Variants in FOXP1 observed in about 807,000 individuals in gnomAD.
The protein encoded by FOXP1 is forkhead box protein P1.
A neutral mutation model predicts 98.2 loss-of-function variants in FOXP1; 15 were observed. That is an observed-to-expected ratio of 0.15 (90% CI 0.10 to 0.24). The LOEUF (loss-of-function observed/expected upper bound fraction) is 0.24, where lower values mean the gene tolerates loss of function less well. Among genes scored for constraint, FOXP1 ranks in the 10% least tolerant of loss-of-function variants. The probability of loss-of-function intolerance (pLI) is 1.00; values close to 1 mark genes in which losing one functional copy is unlikely to be tolerated. For synonymous variants in FOXP1, 371 were observed against 314.5 expected (o/e 1.18, Z -1.90); for missense variants, 633 against 848.5 (o/e 0.75, Z 3.15).
intron 2 of FOXP1, among the ~76,000 whole-genome samples, chr3:71,508,759 G>C (rs2042002131): frequency 1.3e-5 from 2 of 152,258 alleles, no homozygotes; most frequent in East Asian, 1.9e-4. Flanking sequence ...AACCTCCCAA[G>C]GGCTTAGGGC....
intron 3 of FOXP1, among the ~76,000 whole-genome samples, chr3:71,364,665 T>C (rs1472354218): frequency 1.3e-5 from 2 of 152,220 alleles, no homozygotes; most frequent in Admixed American, 1.3e-4. Flanking sequence ...GTAACATTTT[T>C]AACGAAATGG....
At position 71,409,520 on chromosome 3, in the gene FOXP1, A is replaced by G. The variant is rs2082575449; in HGVS notation, c.-167-50276T>C. ...GAAGCAGGCTAATCTGTCTATGGAG[A>G]CACAACTGCACTAGGGCTCACCTAT... On this transcript the variant is annotated intron_variant, in intron 3 of 20. Coordinates refer to ENST00000649528, the MANE Select transcript of FOXP1 (RefSeq NM_001349338.3). 2.0e-5 allele frequency among the ~76,000 whole-genome samples: 3 copies of G among 152,108 alleles called. No individual in the cohort carries two copies. The South Asian group carries it at 6.2e-4, about 32-fold the overall frequency.
In FOXP1 at chr3:70,972,541, C is replaced by T. The variant is rs766300006; in HGVS notation, c.1652+14G>A. 2 of 1,614,202 alleles carry T rather than the reference C, an allele frequency of 1.2e-6. No individual in the cohort carries two copies. The highest frequency in any genetic ancestry group is 1.7e-6 in the Non-Finnish European group (2 of 1,180,008). On this transcript the variant is annotated intron_variant, in intron 18 of 20. Transcript: ENST00000649528. ...TCCAAGCTAGGCTAAGAAGTTCAAA[C>T]ATGGTGGACGTACCCACTGATCTTT...
At chr3:71,362,140 T>C (rs2078613417) in intron 3 of FOXP1, among the ~76,000 whole-genome samples, 1 of 152,198 alleles carries the variant, frequency 6.6e-6, no homozygotes, top group Admixed American at 6.5e-5. Context: ...ACTAACTGTA[T>C]GATACTGAAT....
intron 3 of FOXP1, among the ~76,000 whole-genome samples, chr3:71,416,456 A>T (rs2083220271): frequency 6.6e-6 from 1 of 151,862 alleles, no homozygotes; most frequent in Non-Finnish European, 1.5e-5. Flanking sequence ...GAGGCAGAAG[A>T]ATCACTTTAG....
intron 10 of FOXP1, among the ~76,000 whole-genome samples, chr3:71,043,382 C>G (rs1325135131): frequency 6.6e-6 from 1 of 152,154 alleles, no homozygotes; most frequent in Non-Finnish European, 1.5e-5. Context: ...GGGGAAAGGT[C>G]ACTCCACAAC....
intron 2 of FOXP1, among the ~76,000 whole-genome samples, chr3:71,513,158 A>C: frequency 6.6e-6 from 1 of 152,232 alleles, no homozygotes; most frequent in East Asian, 1.9e-4. Context: ...ATGTCTAGAC[A>C]TCTCAGACTC....
At chr3:71,345,444 A>G (rs1015008291) in intron 4 of FOXP1, among the ~76,000 whole-genome samples, 1 of 146,998 alleles carries the variant, frequency 6.8e-6, no homozygotes, top group African/African-American at 2.6e-5. Flanking sequence ...ACACACACAC[A>G]TATATATACC....
chr3:71,035,946 T>C (rs1284331569), intron 11 of FOXP1, among the ~76,000 whole-genome samples: 3 of 152,130 alleles, frequency 2.0e-5, no homozygotes, highest in Non-Finnish European at 4.4e-5. Context: ...CCAAGAGCAC[T>C]GACATTTATT....
intron 2 of FOXP1, among the ~76,000 whole-genome samples, chr3:71,538,844 T>C (rs890643866): frequency 1.3e-5 from 2 of 152,218 alleles, no homozygotes; most frequent in Non-Finnish European, 2.9e-5. Flanking sequence ...GGGTCTTCGA[T>C]GTGTATGTTG....
At chr3:71,451,028 C>A (rs2086902493) in intron 3 of FOXP1, among the ~76,000 whole-genome samples, 3 of 152,336 alleles carry the variant, frequency 2.0e-5, no homozygotes, top group Admixed American at 1.3e-4. Context: ...TCTCAAAATC[C>A]TCTTGTCAGC....
intron 4 of FOXP1, among the ~76,000 whole-genome samples, chr3:71,310,843 A>G (rs1355765600): frequency 6.6e-6 from 1 of 152,226 alleles, no homozygotes; most frequent in East Asian, 1.9e-4. Context: ...TACCAGGCCT[A>G]GGTTAACACA....
chr3:71,190,122 T>C (rs2062874708), intron 6 of FOXP1, among the ~76,000 whole-genome samples: 1 of 152,200 alleles, frequency 6.6e-6, no homozygotes, highest in Non-Finnish European at 1.5e-5. Context: ...ATCTTTCTTC[T>C]CTACTTAGAA....
chr3:71,116,839 G>C (rs1173722136), intron 6 of FOXP1, among the ~76,000 whole-genome samples: 4 of 152,092 alleles, frequency 2.6e-5, no homozygotes, highest in Non-Finnish European at 5.9e-5. Context: ...TATGTATCTG[G>C]GCATTATAAT....
intron 3 of FOXP1, among the ~76,000 whole-genome samples, chr3:71,408,205 T>C (rs2082486427): frequency 6.6e-6 from 1 of 152,184 alleles, no homozygotes; most frequent in African/African-American, 2.4e-5. Flanking sequence ...CGGAAATTTT[T>C]GCATAGGGCT....
chr3:70,984,729 G>A (rs1206588206), intron 14 of FOXP1, among the ~76,000 whole-genome samples: 1 of 152,136 alleles, frequency 6.6e-6, no homozygotes, highest in Non-Finnish European at 1.5e-5. Context: ...ATAGCAAGCA[G>A]GAAGAAAGGC....
chr3:71,412,398 C>T lies in FOXP1; in HGVS notation c.-167-53154G>A, dbSNP rs150119721. 7.0e-3 allele frequency among the ~76,000 whole-genome samples: 1,071 copies of T among 152,258 alleles called. 15 individuals are homozygous for T. Among genetic ancestry groups the T allele is most frequent in the African/African-American group, 0.024 (1,011 of 41,530 alleles). On this transcript the variant is annotated intron_variant, in intron 3 of 20. Coordinates refer to ENST00000649528, the MANE Select transcript of FOXP1 (RefSeq NM_001349338.3). ...TATTAGTCATGTTGAGGGGCATGAT[C>T]TCATCGACTGGGCCCCCAACGCTGC...
At chr3:71,168,338 G>A (rs1317895561) in intron 6 of FOXP1, among the ~76,000 whole-genome samples, 1 of 151,902 alleles carries the variant, frequency 6.6e-6, no homozygotes, top group Non-Finnish European at 1.5e-5. Context: ...ATCACATCAT[G>A]AGTACCATCA....
At chr3:71,472,772 G>T (rs949732157) in intron 3 of FOXP1, among the ~76,000 whole-genome samples, 1 of 152,220 alleles carries the variant, frequency 6.6e-6, no homozygotes, top group African/African-American at 2.4e-5. Flanking sequence ...CCCCCAAAGT[G>T]AGAACAGAGA....
Sources: gnomAD v4.1 joint callset for allele counts (sites outside exome capture counted in the v4.1 genomes callset) on GRCh38, gnomAD v4.1.1 for gene constraint, MANE v1.5 for transcripts, NCBI Gene and HGNC (gene_info 2026-07-23, HGNC 2026-07-21) for gene names.